The following ARHGEF18 variants were observed in gnomAD, a reference collection of about 807,000 sequenced individuals.
ARHGEF18 encodes the protein rho guanine nucleotide exchange factor 18.
Under a neutral mutation model 155.7 loss-of-function variants are expected in ARHGEF18, and 93 were observed. The observed-to-expected ratio is 0.60, with a 90% CI of 0.50 to 0.71. ARHGEF18 has a LOEUF of 0.71. Among genes scored for constraint, ARHGEF18 ranks in the 30% least tolerant of loss-of-function variants. The pLI is 0.00. For synonymous variants in ARHGEF18, 742 were observed against 753.1 expected (o/e 0.99, Z 0.24); for missense variants, 1,593 against 1,816.1 (o/e 0.88, Z 2.23).
chr19:7,453,994 G>T (rs1178953520), intron 17 of ARHGEF18, among the ~76,000 whole-genome samples: 1 of 151,734 alleles, frequency 6.6e-6, no homozygotes, highest in Non-Finnish European at 1.5e-5. Context: ...TGCTATCTTG[G>T]GTTGGTAGCA....
chr19:7,453,273 G>C lies in ARHGEF18; in HGVS notation c.1856-194G>C, dbSNP rs117567067. 5.2e-4 allele frequency among the ~76,000 whole-genome samples: 79 copies of C among 151,974 alleles called. 1 individual carries two copies. The highest frequency in any genetic ancestry group is 8.3e-4 in the South Asian group (4 of 4,792). On this transcript the variant is annotated intron_variant, in intron 16 of 28. Transcript: ENST00000668164. ...TTTTGGAGAACTATTTGCATCTCAG[G>C]AGATTACATTTGGGAAGTGATCTTG... is the stretch of plus-strand genomic sequence containing the variant.
intron 10 of ARHGEF18, among the ~76,000 whole-genome samples, chr19:7,433,579 C>T (rs1201220255): frequency 1.4e-5 from 2 of 147,570 alleles, no homozygotes. Flanking sequence ...CTAGTAACTA[C>T]TCAGCCGTTT....
intron 10 of ARHGEF18, among the ~76,000 whole-genome samples, chr19:7,418,804 G>C (rs1040633089): frequency 3.3e-5 from 5 of 152,120 alleles, no homozygotes; most frequent in African/African-American, 1.2e-4. Flanking sequence ...AGGGAGGAGA[G>C]GAGGTGAAGG....
At chr19:7,477,236 C>CG, downstream of ARHGEF18, 1 of 1,543,568 alleles carries the variant, frequency 6.5e-7, no homozygotes, top group Non-Finnish European at 8.7e-7. Context: ...GCCGCCGGCC[C>CG]GGGCCGCCTG....
chr19:7,476,344 CAT>C (rs145488814), downstream of ARHGEF18, among the ~76,000 whole-genome samples: 22,114 of 152,136 alleles, frequency 0.15, 2,216 homozygotes, highest in African/African-American at 0.28. Flanking sequence ...ATTGATATCA[CAT>C]GAGGCCCAAG....
chr19:7,463,853 G>T lies in ARHGEF18; in HGVS notation c.2671G>T (p.Gly891Cys). Residue 891 changes from glycine (G) to cysteine (C), a missense_variant, in exon 22 of 29, where the codon GGC becomes TGC. Physicochemically the swap from Gly to Cys is radical, Grantham distance 159. Transcript: ENST00000668164. This position sits in a 1 kb window ranked among gnomAD's most constrained non-coding sequence, Gnocchi z 5.2. ...CCAGAGCCTGATCTGCAGGCAGCTG[G>T]GCAGCGCCAACGGCCAGGCGGAAGA... is the stretch of plus-strand genomic sequence containing the variant. Reference protein sequence around the residue: ...GIQSLICRQLGSANGQAEDGG... With the variant: ...GIQSLICRQLCSANGQAEDGG... 6.2e-7 allele frequency: 1 copy of T among 1,606,498 alleles called. No homozygotes were observed. Among genetic ancestry groups the T allele is most frequent in the Non-Finnish European group, 8.5e-7 (1 of 1,177,060 alleles).
chr19:7,477,566 G>A, the ARHGEF18 span: 1 of 740,538 alleles, frequency 1.4e-6, no homozygotes, highest in Non-Finnish European at 2.0e-6. Flanking sequence ...GCAGGACTGA[G>A]GTGGCCTCCC....
At chr19:7,442,248 C>G (rs74342709) in intron 13 of ARHGEF18, among the ~76,000 whole-genome samples, 196 bp downstream of exon 13, 6,108 of 135,516 alleles carry the variant, frequency 0.045, 363 homozygotes, top group East Asian at 0.18. Context: ...TCTTTTTTTT[C>G]TTTTTTGAGA....
chr19:7,427,610 A>G (rs1183097205), intron 10 of ARHGEF18, among the ~76,000 whole-genome samples: 7 of 148,716 alleles, frequency 4.7e-5, no homozygotes, highest in Non-Finnish European at 4.4e-5. Context: ...ACGCCACTGC[A>G]CTCCAACCTG....
downstream of ARHGEF18, chr19:7,477,077 A>T: frequency 1.1e-6 from 1 of 911,224 alleles, no homozygotes. Flanking sequence ...CCCTCCACCC[A>T]CCCTGCCCAT....
chr19:7,369,013 G>T (rs866259589), intron 2 of ARHGEF18, among the ~76,000 whole-genome samples: 18 of 152,328 alleles, frequency 1.2e-4, no homozygotes, highest in East Asian at 1.9e-4. Flanking sequence ...TGTGGAAACA[G>T]CAGAGTGAGT....
Position 7,431,510 on chromosome 19 carries a change from C to CAAAAAAAA in ARHGEF18, c.968-8818_968-8811dup, listed in dbSNP as rs34609858. Among the ~76,000 whole-genome samples the CAAAAAAAA allele has an allele frequency of 1.2e-4, 6 of 51,284 alleles. 1 individual carries two copies. Among genetic ancestry groups the CAAAAAAAA allele is most frequent in the Admixed American group, 5.5e-4 (2 of 3,624 alleles). The allele number at this position is 51,284 out of a possible 152,430, so 33.6% of individuals were successfully genotyped here. A position where few individuals can be genotyped will look rare whatever the true frequency, so the allele number is the denominator to read the frequency against. On this transcript the variant is annotated intron_variant, in intron 10 of 28. Transcript: ENST00000668164. ...TGGACGACAGAGTGAGACTCCATCT[C>CAAAAAAAA]AAAAAAAAAAAAAAAAAAAAAAAGG...
intron 10 of ARHGEF18, among the ~76,000 whole-genome samples, chr19:7,435,096 G>T (rs1826194133): frequency 6.6e-6 from 1 of 152,112 alleles, no homozygotes; most frequent in African/African-American, 2.4e-5. Context: ...CAGCTACTCG[G>T]GAGGCTGAGG....
In ARHGEF18 at chr19:7,395,880, T is replaced by G. The variant is rs1186055946; in HGVS notation, c.967+12677T>G. 6.6e-6 allele frequency among the ~76,000 whole-genome samples: 1 copy of G among 152,202 alleles called. No homozygotes were observed. Among genetic ancestry groups the G allele is most frequent in the Admixed American group, 6.5e-5 (1 of 15,270 alleles). On this transcript the variant is annotated intron_variant, in intron 10 of 28. Coordinates refer to ENST00000668164, the MANE Select transcript of ARHGEF18 (RefSeq NM_001367823.1). The surrounding 1 kb of genome is among the most constrained non-coding windows in gnomAD (Gnocchi z 5.0). ...TTTTATTTGAGATTGAGGGGGTACA[T>G]GTACAGGTTTGTTACCTGGATATAT...
rs1204392727 is a variant in ARHGEF18 at position 7,367,801 on chromosome 19, C to T, written c.15+4896C>T. Among the ~76,000 whole-genome samples, 161 of 123,536 alleles carry T rather than the reference C, an allele frequency of 1.3e-3. 30 individuals are homozygous for T. The highest frequency in any genetic ancestry group is 6.1e-3 in the African/African-American group (153 of 24,934). 81.0% of individuals were successfully genotyped at this position (123,536 alleles called of 152,430 possible). A position where few individuals can be genotyped will look rare whatever the true frequency, so the allele number is the denominator to read the frequency against. ...CATATATATATTTTATATATATATA[C>T]ACATATATATATTTTATATATATAT... On this transcript the variant is annotated intron_variant, in intron 2 of 28. Coordinates refer to ENST00000668164, the MANE Select transcript of ARHGEF18 (RefSeq NM_001367823.1).
chr19:7,452,847 G>A (rs1975574114), intron 16 of ARHGEF18, among the ~76,000 whole-genome samples: 1 of 151,694 alleles, frequency 6.6e-6, no homozygotes, highest in Admixed American at 6.6e-5. Context: ...TGGCAGTTTT[G>A]CCACTTGAAT....
intron 7 of ARHGEF18, 41 bp downstream of exon 7, chr19:7,379,207 G>T: frequency 8.1e-7 from 1 of 1,229,300 alleles, no homozygotes; most frequent in Non-Finnish European, 1.0e-6. Flanking sequence ...AGCAAAGTGG[G>T]AGACAAAAGC....
At position 7,447,078 on chromosome 19, in the gene ARHGEF18, G is replaced by A; in HGVS notation, c.1647G>A (p.Lys549=). ...SGENGERMKE[K]YGVFCSGHNE... is the part of the protein sequence containing the mutation. ...AAAATGGGGAGAGAATGAAAGAAAA[G>A]TACGGTGTGTTTTGTAGTGGCCACA... The change falls in exon 15 of 29, where the codon AAG becomes AAA. Residue 549 remains lysine, a synonymous_variant. Coordinates refer to ENST00000668164, the MANE Select transcript of ARHGEF18 (RefSeq NM_001367823.1). 6.2e-7 allele frequency: 1 copy of A among 1,613,692 alleles called. No homozygotes were observed. The highest frequency in any genetic ancestry group is 8.5e-7 in the Non-Finnish European group (1 of 1,179,882).
intron 14 of ARHGEF18, among the ~76,000 whole-genome samples, chr19:7,445,607 C>G (rs1292796184): frequency 6.6e-6 from 1 of 152,002 alleles, no homozygotes; most frequent in Non-Finnish European, 1.5e-5. Context: ...ATTAGAAGAA[C>G]ACTCCTTTTG....
Sources: allele counts gnomAD v4.1 joint callset (sites outside exome capture counted in the v4.1 genomes callset), GRCh38; gene constraint gnomAD v4.1.1; non-coding constraint Gnocchi (gnomAD v3.1); transcripts MANE v1.5; gene names NCBI Gene and HGNC (gene_info 2026-07-23, HGNC 2026-07-21).